Variants in SORCS2 observed in about 807,000 individuals in gnomAD.
SORCS2 encodes the protein sortilin related VPS10 domain containing receptor 2.
Under a neutral mutation model 141.6 loss-of-function variants are expected in SORCS2, and 100 were observed. The ratio of observed to expected loss-of-function variants is 0.71; its 90% confidence interval spans 0.60 to 0.83. SORCS2 has a LOEUF of 0.83. Ranked by LOEUF, SORCS2 falls within the 40% of genes least tolerant of loss-of-function variation. SORCS2 has a pLI of 0.00. For missense variants in SORCS2, 1,646 were observed against 1,560.2 expected (o/e 1.05, Z -0.93); for synonymous variants, 789 against 676.9 (o/e 1.17, Z -2.57).
intron 4 of SORCS2, among the ~76,000 whole-genome samples, chr4:7,642,160 G>T (rs566789310): frequency 6.6e-6 from 1 of 152,228 alleles, no homozygotes; most frequent in Non-Finnish European, 1.5e-5. Context: ...CATGGCTCTC[G>T]ACAGGACCTG....
At chr4:7,508,276 G>C (rs1391453104) in intron 2 of SORCS2, among the ~76,000 whole-genome samples, 1 of 89,546 alleles carries the variant, frequency 1.1e-5, no homozygotes, top group African/African-American at 4.7e-5. Context: ...AAAAACAGAG[G>C]GTGGCCCTAG....
At chr4:7,690,621 G>T (rs933069212) in intron 11 of SORCS2, among the ~76,000 whole-genome samples, 2 of 151,946 alleles carry the variant, frequency 1.3e-5, no homozygotes, top group Non-Finnish European at 2.9e-5. Flanking sequence ...TGGATGAGTG[G>T]ATGGGTGGAT....
intron 3 of SORCS2, among the ~76,000 whole-genome samples, chr4:7,570,291 T>C (rs1363765467): frequency 6.6e-6 from 1 of 152,212 alleles, no homozygotes; most frequent in Non-Finnish European, 1.5e-5. Context: ...GCTGAGCCTG[T>C]GTCCCACTTT....
intron 11 of SORCS2, among the ~76,000 whole-genome samples, chr4:7,690,090 G>T (rs1724128433): frequency 7.0e-6 from 1 of 143,288 alleles, no homozygotes; most frequent in Non-Finnish European, 1.6e-5. Flanking sequence ...ATAGATAGAT[G>T]AATGGATGGA....
At chr4:7,606,389 C>T (rs953049247) in intron 3 of SORCS2, among the ~76,000 whole-genome samples, 1 of 152,104 alleles carries the variant, frequency 6.6e-6, no homozygotes, top group Non-Finnish European at 1.5e-5. Context: ...CAGACTCCAG[C>T]GACTTTGATT....
At chr4:7,628,842 G>A (rs189253363) in intron 3 of SORCS2, among the ~76,000 whole-genome samples, 2 of 152,296 alleles carry the variant, frequency 1.3e-5, no homozygotes, top group Admixed American at 1.3e-4. Flanking sequence ...CTGTACACTC[G>A]AGAAGGGCTC....
At chr4:7,218,144 G>C (rs1221667635) in intron 1 of SORCS2, among the ~76,000 whole-genome samples, 4 of 152,118 alleles carry the variant, frequency 2.6e-5, no homozygotes, top group Admixed American at 2.6e-4. Flanking sequence ...GGAGGTTTCC[G>C]AGTGGGCGGA....
chr4:7,639,570 T>C, intron 4 of SORCS2, among the ~76,000 whole-genome samples: 1 of 148,752 alleles, frequency 6.7e-6, no homozygotes, highest in African/African-American at 2.5e-5. Flanking sequence ...TGGGTGCATG[T>C]GAATGTGTGT....
chr4:7,691,297 T>G (rs1474588585), intron 11 of SORCS2, among the ~76,000 whole-genome samples: 2 of 152,208 alleles, frequency 1.3e-5, no homozygotes, highest in Non-Finnish European at 2.9e-5. Context: ...CAAGGCTGTT[T>G]GTGAATGAGT....
At chr4:7,576,876 G>A (rs940531331) in intron 3 of SORCS2, among the ~76,000 whole-genome samples, 2 of 152,218 alleles carry the variant, frequency 1.3e-5, no homozygotes, top group African/African-American at 4.8e-5. Context: ...GCGGACCACA[G>A]CAACTCAGTT....
chr4:7,643,030 G>C (rs2108876592), intron 4 of SORCS2, among the ~76,000 whole-genome samples: 1 of 152,290 alleles, frequency 6.6e-6, no homozygotes, highest in East Asian at 1.9e-4. Context: ...AAAGCCAAAG[G>C]CTTGCCTCCC....
At chr4:7,205,730 G>C (rs1727693806) in intron 1 of SORCS2, among the ~76,000 whole-genome samples, 1 of 152,224 alleles carries the variant, frequency 6.6e-6, no homozygotes, top group African/African-American at 2.4e-5. Flanking sequence ...CAGGCAGAGA[G>C]AATCAGGAGC....
rs753178584 is a variant in SORCS2 at position 7,433,816 on chromosome 4, G to T, written c.548+37461G>T. 36 of 1,613,702 alleles carry T rather than the reference G, an allele frequency of 2.2e-5. No homozygotes were observed. The African/African-American group carries it at 3.7e-4, about 17-fold the overall frequency. ...GATGAACTTGCACACCTTCTCTGGG[G>T]TGATTTTGGCCACAAGCTGCACCAA... On this transcript the variant is annotated intron_variant, in intron 2 of 26. Coordinates refer to ENST00000507866, the MANE Select transcript of SORCS2 (RefSeq NM_020777.3).
rs200900789 is a variant in SORCS2 at position 7,728,295 on chromosome 4, C to T, written c.2870-55C>T. ...CTGCCCCCGACCCCCACCCTGGAGC[C>T]GTCAGAGCCAGGCTGTCCAGAACTG... On this transcript the variant is annotated intron_variant, in intron 21 of 26. Transcript: ENST00000507866. The T allele has an allele frequency of 2.4e-3, 3,287 of 1,375,376 alleles. 9 individuals are homozygous for T. Among genetic ancestry groups the T allele is most frequent in the Non-Finnish European group, 3.0e-3 (2,971 of 981,490 alleles). 85.2% of individuals were successfully genotyped at this position (1,375,376 alleles called of 1,614,324 possible).
intron 1 of SORCS2, among the ~76,000 whole-genome samples, chr4:7,227,405 C>T (rs967105843): frequency 6.6e-5 from 10 of 152,234 alleles, no homozygotes; most frequent in Non-Finnish European, 1.3e-4. Flanking sequence ...TTCTCGACTT[C>T]TCCAGAAAAC....
At chr4:7,518,200 C>T (rs1733106152) in intron 2 of SORCS2, among the ~76,000 whole-genome samples, 1 of 152,198 alleles carries the variant, frequency 6.6e-6, no homozygotes, top group Admixed American at 6.5e-5. Context: ...ACTGAGGATA[C>T]ATTAGCGTAT....
At chr4:7,350,220 ACCAGGAAAG>A (rs1720859144) in intron 1 of SORCS2, among the ~76,000 whole-genome samples, 3 of 152,178 alleles carry the variant, frequency 2.0e-5, no homozygotes, top group Non-Finnish European at 2.9e-5. Context: ...GTCCTTCCAA[ACCAGGAAAG>A]CACTCCCCAC....
intron 2 of SORCS2, among the ~76,000 whole-genome samples, chr4:7,515,526 G>A (rs1292797243): frequency 6.6e-6 from 1 of 152,218 alleles, no homozygotes; most frequent in Non-Finnish European, 1.5e-5. Flanking sequence ...CAGCCGGATG[G>A]AGGAGGAGGA....
chr4:7,609,413 T>C (rs922162586), intron 3 of SORCS2, among the ~76,000 whole-genome samples: 1 of 152,190 alleles, frequency 6.6e-6, no homozygotes, highest in Admixed American at 6.5e-5. Flanking sequence ...AAGGCGCCTC[T>C]ATACAGCCCA....
Sources: allele counts gnomAD v4.1 joint callset (sites outside exome capture counted in the v4.1 genomes callset), GRCh38; gene constraint gnomAD v4.1.1; transcripts MANE v1.5; gene names NCBI Gene and HGNC (gene_info 2026-07-23, HGNC 2026-07-21).